Variants in PARM1 observed in about 807,000 individuals in gnomAD.
PARM1 encodes the protein WSC4, cell wall integrity and stress response component 4 homolog.
In PARM1, 14 loss-of-function variants were observed where a neutral mutation model predicts 24.6. The observed-to-expected ratio is 0.57, with a 90% confidence interval of 0.38 to 0.89. PARM1 has a LOEUF of 0.89. Ranked by LOEUF, PARM1 falls within the 40% of genes least tolerant of loss-of-function variation. The pLI is 0.00. For synonymous variants in PARM1, 179 were observed against 156.6 expected (o/e 1.14, Z -1.07); for missense variants, 362 against 380.4 (o/e 0.95, Z 0.40).
At chr4:74,998,282 T>G (rs1722613033) in intron 1 of PARM1, among the ~76,000 whole-genome samples, 1 of 152,210 alleles carries the variant, frequency 6.6e-6, no homozygotes, top group South Asian at 2.1e-4. Flanking sequence ...GTGATTTATG[T>G]TATTTTCAGC....
rs1236170505 is a variant in PARM1, at chr4:75,033,775, T to G, written c.770-108T>G. The stretch of plus-strand genomic sequence containing the variant: ...TGATCTGAAGTAGCTTTTCCCCCTT[T>G]CAGAGAAAAGATGGGATCAGGCAGA... On this transcript the variant is annotated intron_variant, in intron 2 of 3. Transcript: ENST00000307428. 133 of 735,106 alleles carry G rather than the reference T, an allele frequency of 1.8e-4. 1 individual carries two copies. Among genetic ancestry groups the G allele is most frequent in the Non-Finnish European group, 1.7e-5 (8 of 471,042 alleles). 45.5% of individuals were successfully genotyped at this position (735,106 alleles called of 1,614,324 possible).
chr4:75,025,830 A>C (rs1276568901), intron 2 of PARM1, among the ~76,000 whole-genome samples: 1 of 152,240 alleles, frequency 6.6e-6, no homozygotes, highest in African/African-American at 2.4e-5. Flanking sequence ...TCTTCTGATG[A>C]CATGAAGTGG....
chr4:75,011,062 T>G (rs79641840), intron 1 of PARM1, among the ~76,000 whole-genome samples: 1,600 of 152,056 alleles, frequency 0.011, 33 homozygotes, highest in African/African-American at 0.037. Context: ...AGGTGCCACA[T>G]GTTTTAAACA....
At chr4:75,002,603 CAG>C (rs1173125397) in intron 1 of PARM1, among the ~76,000 whole-genome samples, 3 of 152,184 alleles carry the variant, frequency 2.0e-5, no homozygotes, top group African/African-American at 7.2e-5. Context: ...TCTACAGAAT[CAG>C]AGTGTCTGTC....
chr4:75,036,887 A>T (rs1387627946), intron 3 of PARM1, among the ~76,000 whole-genome samples: 2 of 152,218 alleles, frequency 1.3e-5, no homozygotes, highest in Non-Finnish European at 2.9e-5. Context: ...ATGCTACTTA[A>T]GTTTAAGCAC....
chr4:75,040,396 G>T (rs979213227), intron 3 of PARM1, among the ~76,000 whole-genome samples: 18 of 152,064 alleles, frequency 1.2e-4, no homozygotes, highest in African/African-American at 3.9e-4. Flanking sequence ...ATTATTTCAA[G>T]ATATGCTTGA....
intron 1 of PARM1, chr4:74,967,055 TAAA>T: frequency 6.6e-6 from 1 of 152,330 alleles, no homozygotes; most frequent in East Asian, 1.9e-4. Flanking sequence ...GTAAGAACTG[TAAA>T]AACTTTACAT....
At chr4:74,966,409 G>A (rs182080041) in intron 1 of PARM1, among the ~76,000 whole-genome samples, 1 of 152,152 alleles carries the variant, frequency 6.6e-6, no homozygotes, top group African/African-American at 2.4e-5. Flanking sequence ...GCAAATCACT[G>A]GGAGGAGACA....
At chr4:74,945,144 A>G (rs979611534) in intron 1 of PARM1, among the ~76,000 whole-genome samples, 2 of 152,196 alleles carry the variant, frequency 1.3e-5, no homozygotes, top group African/African-American at 4.8e-5. Flanking sequence ...TATATTTCAC[A>G]GTATGTTGGA....
chr4:74,998,166 G>A (rs1404817197), intron 1 of PARM1, among the ~76,000 whole-genome samples: 3 of 152,334 alleles, frequency 2.0e-5, no homozygotes, highest in Non-Finnish European at 1.5e-5. Context: ...AGCAGAGGTG[G>A]CCATGCTGCA....
At chr4:74,973,586 C>A (rs983504300) in intron 1 of PARM1, among the ~76,000 whole-genome samples, 1 of 151,980 alleles carries the variant, frequency 6.6e-6, no homozygotes, top group African/African-American at 2.4e-5. Context: ...GAAGGCAGTA[C>A]AAATTGAATA....
At chr4:74,965,941 A>C (rs1721892714) in intron 1 of PARM1, among the ~76,000 whole-genome samples, 1 of 152,230 alleles carries the variant, frequency 6.6e-6, no homozygotes, top group Non-Finnish European at 1.5e-5. Context: ...AAACTGGTGA[A>C]ATTCAAATAA....
chr4:74,937,486 T>C (rs1160127538), intron 1 of PARM1, among the ~76,000 whole-genome samples: 1 of 152,224 alleles, frequency 6.6e-6, no homozygotes, highest in African/African-American at 2.4e-5. Context: ...TAGGTAAAAA[T>C]CTAAGTTTTA....
chr4:74,971,805 A>G (rs1578034219), intron 1 of PARM1, among the ~76,000 whole-genome samples: 1 of 152,154 alleles, frequency 6.6e-6, no homozygotes, highest in East Asian at 1.9e-4. Flanking sequence ...TCTGATCCCA[A>G]TCTTTTCCCA....
At chr4:74,963,815 T>C (rs115619282) in intron 1 of PARM1, among the ~76,000 whole-genome samples, 1,802 of 152,252 alleles carry the variant, frequency 0.012, 29 homozygotes, top group African/African-American at 0.041. Context: ...TTTTGTAATA[T>C]GTTTACATAT....
chr4:74,945,328 T>C (rs113289669), intron 1 of PARM1, among the ~76,000 whole-genome samples: 10,868 of 152,286 alleles, frequency 0.071, 461 homozygotes, highest in Non-Finnish European at 0.094. Context: ...TTTTAAAAGT[T>C]GAGATATTAT....
At chr4:74,946,878 A>G (rs930045552) in intron 1 of PARM1, among the ~76,000 whole-genome samples, 3 of 152,366 alleles carry the variant, frequency 2.0e-5, no homozygotes, top group South Asian at 4.1e-4. Flanking sequence ...TTTTGAAAAC[A>G]TAATAGATGA....
chr4:74,954,914 T>A (rs367835014), intron 1 of PARM1, among the ~76,000 whole-genome samples: 1 of 152,208 alleles, frequency 6.6e-6, no homozygotes, highest in East Asian at 1.9e-4. Context: ...AGCTGGGAGC[T>A]GTGTAAATTC....
At chr4:75,006,579 T>C (rs1239861358) in intron 1 of PARM1, among the ~76,000 whole-genome samples, 1 of 152,156 alleles carries the variant, frequency 6.6e-6, no homozygotes, top group Non-Finnish European at 1.5e-5. Context: ...TCTTTGCTAT[T>C]GTGAATAGTG....
Sources: allele counts gnomAD v4.1 joint callset (sites outside exome capture counted in the v4.1 genomes callset), GRCh38; gene constraint gnomAD v4.1.1; transcripts MANE v1.5; gene names NCBI Gene and HGNC (gene_info 2026-07-23, HGNC 2026-07-21).